KRTAP4-5: variants seen among roughly 807,000 people sequenced by gnomAD.
KRTAP4-5 encodes the protein keratin-associated protein 4-5.
For missense variants in KRTAP4-5, 199 were observed against 233.7 expected, an observed-to-expected ratio of 0.85 and a Z score of 0.97; for synonymous variants, 73 against 83.6, an observed-to-expected ratio of 0.87 and a Z score of 0.69.
rs528319027 is a variant in KRTAP4-5 at position 41,149,136 on chromosome 17, T to C, written c.*86A>G. On this transcript the variant is annotated 3_prime_UTR_variant, in exon 1 of 1. Coordinates refer to ENST00000343246, the MANE Select transcript of KRTAP4-5 (RefSeq NM_033188.4). ...ATGAGACAAACTGGCAGGGAAGTGT[T>C]CATTTTTCCAGTGACTGGCTGGCTA... 41 of 1,484,324 alleles carry C rather than the reference T, an allele frequency of 2.8e-5. No individual in the cohort carries two copies. In the African/African-American group the frequency reaches 4.3e-4, roughly 16 times the overall value. 91.9% of individuals were successfully genotyped at this position (1,484,324 alleles called of 1,614,324 possible).
chr17:41,149,757 G>T lies in KRTAP4-5; in HGVS notation c.11C>A (p.Ser4Tyr). 6.2e-7 allele frequency: 1 copy of T among 1,609,060 alleles called. No individual in the cohort carries two copies. Among genetic ancestry groups the T allele is most frequent in the South Asian group, 1.1e-5 (1 of 90,542 alleles). Residue 4 changes from serine (S) to tyrosine (Y), a missense_variant, in exon 1 of 1, where the codon TCC becomes TAC. Transcript: ENST00000343246. ...CTCAGAGCTGACAGAGCCACAACAG[G>T]AGCTGACCATGGTGTCAGAGGGTGG... is the stretch of plus-strand genomic sequence containing the variant. MVS[S>Y]CCGSVSSEQS...
rs764557907 is a variant in KRTAP4-5 at position 41,149,592 on chromosome 17, C to A, written c.176G>T (p.Ser59Ile). The change falls in exon 1 of 1, where the codon AGC becomes ATC. Residue 59 changes from serine (S) to isoleucine (I), a missense_variant. By Grantham distance (142) the Ser-to-Ile change is moderately radical (BLOSUM62 -2). Transcript: ENST00000343246. ...VCYQPTCCHP[S>I]CCISSCCRPY... ...GCGGCAGCAGCTGGAGATGCAGCAG[C>A]TAGGGTGGCAGCAGGTGGGCTGGTA... 6.4e-7 allele frequency: 1 copy of A among 1,557,104 alleles called. No individual in the cohort carries two copies. The highest frequency in any genetic ancestry group is 1.8e-4 in the Middle Eastern group (1 of 5,670).
chr17:41,149,618 G>A lies in KRTAP4-5; in HGVS notation c.150C>T (p.Cys50=). ...TAGGGTGGCAGCAGGTGGGCTGGTA[G>A]CACACAGACTGGCAGCACTGGGGCT... is the stretch of plus-strand genomic sequence containing the variant. ...CCKPQCCQSV[C]YQPTCCHPSC... is the part of the protein sequence containing the mutation. Residue 50 remains cysteine (C), a synonymous_variant, in exon 1 of 1, where the codon TGC becomes TGT. Coordinates refer to ENST00000343246, the MANE Select transcript of KRTAP4-5 (RefSeq NM_033188.4). The A allele has an allele frequency of 1.2e-6, 2 of 1,613,274 alleles. No individual in the cohort carries two copies. Among genetic ancestry groups the A allele is most frequent in the East Asian group, 2.2e-5 (1 of 44,810 alleles).
chr17:41,149,163 A>C lies in KRTAP4-5; in HGVS notation c.*59T>G. ...ATTTTTCCAGTGACTGGCTGGCTAC[A>C]GTGCATTTTAAATGACTAATGAAGA... On this transcript the variant is annotated 3_prime_UTR_variant, in exon 1 of 1. Transcript: ENST00000343246. 1 of 1,505,848 alleles carries C rather than the reference A, an allele frequency of 6.6e-7. No homozygotes were observed. Among genetic ancestry groups the C allele is most frequent in the Non-Finnish European group, 8.9e-7 (1 of 1,121,514 alleles). 93.3% of individuals were successfully genotyped at this position (1,505,848 alleles called of 1,614,324 possible).
chr17:41,149,771 G>A lies in KRTAP4-5; in HGVS notation c.-4C>T, dbSNP rs1464726063. On this transcript the variant is annotated 5_prime_UTR_variant, in exon 1 of 1. Transcript: ENST00000343246. ...AGCCACAACAGGAGCTGACCATGGT[G>A]TCAGAGGGTGGAGGTTCTGGGTGGA... is the stretch of plus-strand genomic sequence containing the variant. 1.2e-6 allele frequency: 2 copies of A among 1,601,358 alleles called. No individual in the cohort carries two copies. The highest frequency in any genetic ancestry group is 1.7e-5 in the Admixed American group (1 of 59,274).
rs2014801345 is a variant in KRTAP4-5 at position 41,149,269 on chromosome 17, T to C, written c.499A>G (p.Ile167Val). The change falls in exon 1 of 1, where the codon ATC becomes GTC. Residue 167 changes from isoleucine to valine, a missense_variant. Coordinates refer to ENST00000343246, the MANE Select transcript of KRTAP4-5 (RefSeq NM_033188.4). The part of the protein sequence containing the change: ...HTTCYRPTCV[I>V]STCPRPLCCA... ...CACAAGGGGCGGGGGCAGGTGGAGA[T>C]GACACAGGTTGGGCGATAGCAAGTG... is the stretch of plus-strand genomic sequence containing the variant. 2 of 1,609,648 alleles carry C rather than the reference T, an allele frequency of 1.2e-6. No homozygotes were observed. The highest frequency in any genetic ancestry group is 2.7e-5 in the African/African-American group (2 of 74,834).
Position 41,149,534 on chromosome 17 carries a change from G to GCAGCAA in KRTAP4-5, c.233_234insTTGCTG (p.Cys80_Cys81dup), listed in dbSNP as rs2014809898. On this transcript the variant is annotated inframe_insertion, in exon 1 of 1. Transcript: ENST00000343246. ...TGCAGCAGGTGGTCTGGCAGCAGCA[G>GCAGCAA]GGGCGGCAGCAGCTGGATTCACAGC... 1.3e-6 allele frequency: 2 copies of GCAGCAA among 1,516,238 alleles called. No individual in the cohort carries two copies. The highest frequency in any genetic ancestry group is 1.8e-6 in the Non-Finnish European group (2 of 1,122,886). 93.9% of individuals were successfully genotyped at this position (1,516,238 alleles called of 1,614,324 possible).
the KRTAP4-5 span, chr17:41,149,477 G>T: frequency 1.3e-6 from 2 of 1,522,538 alleles, no homozygotes; most frequent in African/African-American, 1.4e-5. Context: ...AGCAGCTGGG[G>T]CAGCAGCAGG....
chr17:41,149,522 C>G lies in KRTAP4-5; in HGVS notation c.246G>C (p.Gln82His), dbSNP rs137947981. Residue 82 changes from glutamine to histidine, a missense_variant, in exon 1 of 1, where the codon CAG becomes CAC. Gln to His is a conservative substitution (Grantham distance 24). Transcript: ENST00000343246. ...AGCAGGTGGTCCTGCAGCAGGTGGT[C>G]TGGCAGCAGCAGGGGCGGCAGCAGC... ...ESSCCRPCCCQTTCCRTTCCR... is the reference protein window; with the variant it reads ...ESSCCRPCCCHTTCCRTTCCR... 8,926 of 687,562 alleles carry G rather than the reference C, an allele frequency of 0.013. 645 individuals carry two copies. In the African/African-American group the frequency reaches 0.28, roughly 22 times the overall value. The allele number at this position is 687,562 out of a possible 1,614,324, so 42.6% of individuals were successfully genotyped here. A position where few individuals can be genotyped will look rare whatever the true frequency, so the allele number is the denominator to read the frequency against.
chr17:41,149,097 A>C lies in KRTAP4-5; in HGVS notation c.*125T>G. The C allele has an allele frequency of 7.0e-7, 1 of 1,426,814 alleles. No individual in the cohort carries two copies. The highest frequency in any genetic ancestry group is 9.3e-7 in the Non-Finnish European group (1 of 1,073,228). 88.4% of individuals were successfully genotyped at this position (1,426,814 alleles called of 1,614,324 possible). A position where few individuals can be genotyped will look rare whatever the true frequency, so the allele number is the denominator to read the frequency against. On this transcript the variant is annotated 3_prime_UTR_variant, in exon 1 of 1. Transcript: ENST00000343246. Reference sequence around the variant, plus strand: ...CATTTCCTAGAAGAGCTGAATGTCCACTCTGAATGCCACATGAGACAAACT... The same window carrying C: ...CATTTCCTAGAAGAGCTGAATGTCCCCTCTGAATGCCACATGAGACAAACT...
In KRTAP4-5 at chr17:41,149,580, G is replaced by A. The variant is rs974130397; in HGVS notation, c.188C>T (p.Ser63Phe). The change falls in exon 1 of 1, where the codon TCC becomes TTC. Residue 63 changes from serine (S) to phenylalanine (F), a missense_variant. Transcript: ENST00000343246. ...ACAGCAATAGGGGCGGCAGCAGCTG[G>A]AGATGCAGCAGCTAGGGTGGCAGCA... ...PTCCHPSCCI[S>F]SCCRPYCCES... The A allele has an allele frequency of 6.4e-7, 1 of 1,555,082 alleles. No homozygotes were observed. The highest frequency in any genetic ancestry group is 8.7e-7 in the Non-Finnish European group (1 of 1,145,472).
chr17:41,149,148 T>C lies in KRTAP4-5; in HGVS notation c.*74A>G, dbSNP rs146159563. The C allele has an allele frequency of 9.2e-4, 1,366 of 1,487,976 alleles. 10 individuals are homozygous for C. The African/African-American group carries it at 0.017, about 18-fold the overall frequency. The allele number at this position is 1,487,976 out of a possible 1,614,324, so 92.2% of individuals were successfully genotyped here. On this transcript the variant is annotated 3_prime_UTR_variant, in exon 1 of 1. Transcript: ENST00000343246. Reference sequence around the variant, plus strand: ...GGCAGGGAAGTGTTCATTTTTCCAGTGACTGGCTGGCTACAGTGCATTTTA... The same window carrying C: ...GGCAGGGAAGTGTTCATTTTTCCAGCGACTGGCTGGCTACAGTGCATTTTA...
At position 41,149,521 on chromosome 17, in the gene KRTAP4-5, T is replaced by G. The variant is rs201152898; in HGVS notation, c.247A>C (p.Thr83Pro). 9,045 of 678,054 alleles carry G rather than the reference T, an allele frequency of 0.013. 674 individuals carry two copies. In the African/African-American group the frequency reaches 0.29, roughly 22 times the overall value. 42.0% of individuals were successfully genotyped at this position (678,054 alleles called of 1,614,324 possible). The change falls in exon 1 of 1, where the codon ACC becomes CCC. Residue 83 changes from threonine (T) to proline (P), a missense_variant. Physicochemically the swap from Thr to Pro is conservative, Grantham distance 38. Coordinates refer to ENST00000343246, the MANE Select transcript of KRTAP4-5 (RefSeq NM_033188.4). ...SSCCRPCCCQ[T>P]TCCRTTCCRT... ...CAGCAGGTGGTCCTGCAGCAGGTGGTCTGGCAGCAGCAGGGGCGGCAGCAG... is the reference window on the plus strand; with the variant it reads ...CAGCAGGTGGTCCTGCAGCAGGTGGGCTGGCAGCAGCAGGGGCGGCAGCAG...
chr17:41,149,430 G>A lies in KRTAP4-5; in HGVS notation c.338C>T (p.Ser113Phe), dbSNP rs752600601. The change falls in exon 1 of 1, where the codon TCT (serine) becomes TTT (phenylalanine). Residue 113 changes from serine (S) to phenylalanine (F), a missense_variant. By Grantham distance (155) the Ser-to-Phe change is radical. Coordinates refer to ENST00000343246, the MANE Select transcript of KRTAP4-5 (RefSeq NM_033188.4). Reference protein sequence around the residue: ...SSCCRPQCCQSVCCQPTCCRP... With the variant: ...SSCCRPQCCQFVCCQPTCCRP... The stretch of plus-strand genomic sequence containing the variant: ...GCAGCAAGTGGGCTGGCAGCACACA[G>A]ACTGGCAGCACTGGGGTCTGCAGCA... The A allele has an allele frequency of 2.5e-6, 4 of 1,613,118 alleles. No homozygotes were observed. Among genetic ancestry groups the A allele is most frequent in the Non-Finnish European group, 1.7e-6 (2 of 1,179,558 alleles).
At position 41,149,191 on chromosome 17, in the gene KRTAP4-5, T is replaced by C. The variant is rs1172369769; in HGVS notation, c.*31A>G. The C allele has an allele frequency of 1.2e-5, 19 of 1,554,506 alleles. No homozygotes were observed. The highest frequency in any genetic ancestry group is 1.7e-5 in the Non-Finnish European group (19 of 1,148,448). On this transcript the variant is annotated 3_prime_UTR_variant, in exon 1 of 1. Coordinates refer to ENST00000343246, the MANE Select transcript of KRTAP4-5 (RefSeq NM_033188.4). ...GCATTTTAAATGACTAATGAAGACA[T>C]TCATAGTATGACAAATATCACAAGG...
rs778073181 is a variant in KRTAP4-5 at position 41,149,051 on chromosome 17, T to C, written c.*171A>G. 150 of 1,225,608 alleles carry C rather than the reference T, an allele frequency of 1.2e-4. No individual in the cohort carries two copies. The highest frequency in any genetic ancestry group is 1.7e-4 in the Non-Finnish European group (148 of 895,098). The allele number at this position is 1,225,608 out of a possible 1,614,324, so 75.9% of individuals were successfully genotyped here. ...GCATTGGGGCCTGGCATAACATATT[T>C]TAATGAATGTGATTGTCTGTCATTT... is the stretch of plus-strand genomic sequence containing the variant. On this transcript the variant is annotated 3_prime_UTR_variant, in exon 1 of 1. Coordinates refer to ENST00000343246, the MANE Select transcript of KRTAP4-5 (RefSeq NM_033188.4).
rs753872912 is a variant in KRTAP4-5, at chr17:41,149,353, T to C, written c.415A>G (p.Ser139Gly). 1.9e-6 allele frequency: 3 copies of C among 1,613,462 alleles called. No individual in the cohort carries two copies. The highest frequency in any genetic ancestry group is 2.2e-5 in the South Asian group (2 of 91,026). Reference sequence around the variant, plus strand: ...ACGCAGCAGCAGGGGCGGCAGCAGCTGGATTCACAGCAAGAGGGGTGGCAG... The same window carrying C: ...ACGCAGCAGCAGGGGCGGCAGCAGCCGGATTCACAGCAAGAGGGGTGGCAG... ...SCCHPSCCESSCCRPCCCVRP... is the reference protein window; with the variant it reads ...SCCHPSCCESGCCRPCCCVRP... Residue 139 changes from serine to glycine, a missense_variant, in exon 1 of 1, where the codon AGC (serine) becomes GGC (glycine). By Grantham distance (56) the Ser-to-Gly change is moderately conservative. Coordinates refer to ENST00000343246, the MANE Select transcript of KRTAP4-5 (RefSeq NM_033188.4).
chr17:41,149,768 G>C lies in KRTAP4-5; in HGVS notation c.-1C>G, dbSNP rs1172351248. On this transcript the variant is annotated 5_prime_UTR_variant, in exon 1 of 1. Coordinates refer to ENST00000343246, the MANE Select transcript of KRTAP4-5 (RefSeq NM_033188.4). ...CAGAGCCACAACAGGAGCTGACCATGGTGTCAGAGGGTGGAGGTTCTGGGT... is the reference window on the plus strand; with the variant it reads ...CAGAGCCACAACAGGAGCTGACCATCGTGTCAGAGGGTGGAGGTTCTGGGT... 5.6e-6 allele frequency: 9 copies of C among 1,600,866 alleles called. No homozygotes were observed. The highest frequency in any genetic ancestry group is 7.7e-6 in the Non-Finnish European group (9 of 1,172,340).
Position 41,149,492 on chromosome 17 carries a change from C to A in KRTAP4-5, c.276G>T (p.Arg92Ser), listed in dbSNP as rs771767688. The A allele has an allele frequency of 1.3e-6, 2 of 1,514,254 alleles. No homozygotes were observed. The highest frequency in any genetic ancestry group is 1.9e-5 in the Admixed American group (1 of 53,160). The allele number at this position is 1,514,254 out of a possible 1,614,324, so 93.8% of individuals were successfully genotyped here. A position where few individuals can be genotyped will look rare whatever the true frequency, so the allele number is the denominator to read the frequency against. The stretch of plus-strand genomic sequence containing the variant: ...AGCAGCTGGGGCAGCAGCAGGTGGT[C>A]CTGCAGCAGGTGGTCCTGCAGCAGG... ...QTTCCRTTCCRTTCCCPSCCV... is the reference protein window; with the variant it reads ...QTTCCRTTCCSTTCCCPSCCV... The change falls in exon 1 of 1, where the codon AGG (arginine) becomes AGT (serine). Residue 92 changes from arginine (R) to serine (S), a missense_variant. Physicochemically the swap from Arg to Ser is moderately radical, Grantham distance 110. Transcript: ENST00000343246.
Sources: gnomAD v4.1 joint callset for allele counts on GRCh38, gnomAD v4.1.1 for gene constraint, MANE v1.5 for transcripts, NCBI Gene and HGNC (gene_info 2026-07-23, HGNC 2026-07-21) for gene names.